Variants in CASC3 observed in about 807,000 individuals in gnomAD.
The protein encoded by CASC3 is CASC3 exon junction complex subunit.
CASC3 carries 30 observed loss-of-function variants against 80.5 expected under a neutral mutation model. The ratio of observed to expected loss-of-function variants is 0.37; its 90% CI spans 0.28 to 0.51. The LOEUF (loss-of-function observed/expected upper bound fraction) is 0.51. Among genes scored for constraint, CASC3 ranks in the 20% least tolerant of loss-of-function variants. CASC3 has a pLI of 0.94. For missense variants in CASC3, 824 were observed against 922.2 expected (o/e 0.89, Z 1.38); for synonymous variants, 312 against 333.6 (o/e 0.94, Z 0.70).
intron 3 of CASC3, among the ~76,000 whole-genome samples, chr17:40,154,867 T>C (rs1329086794): frequency 2.0e-5 from 3 of 152,120 alleles, no homozygotes; most frequent in African/African-American, 7.2e-5. Context: ...TTTTTATATG[T>C]GGGGTAAAGT....
At chr17:40,156,692 A>T (rs1273068129) in intron 3 of CASC3, among the ~76,000 whole-genome samples, 2 of 149,260 alleles carry the variant, frequency 1.3e-5, no homozygotes, top group Non-Finnish European at 3.0e-5. Flanking sequence ...CCGTTTCAAT[A>T]AAAAAAAATT....
At chr17:40,160,092 G>C (rs1380263379) in intron 3 of CASC3, among the ~76,000 whole-genome samples, 1 of 152,104 alleles carries the variant, frequency 6.6e-6, no homozygotes, top group Non-Finnish European at 1.5e-5. Flanking sequence ...ATCCTAAAAA[G>C]GGGTCCGCAT....
intron 3 of CASC3, among the ~76,000 whole-genome samples, chr17:40,147,967 A>G (rs750620013): frequency 6.6e-5 from 10 of 152,268 alleles, no homozygotes; most frequent in South Asian, 2.1e-4. Context: ...CAATTTTGAT[A>G]TGATATGCGG....
Position 40,168,223 on chromosome 17 carries a change from C to G in CASC3, c.1771C>G (p.Pro591Ala). ...PHPGLHPHQT[P>A]APLPNPGLYP... is the part of the protein sequence containing the mutation. The stretch of plus-strand genomic sequence containing the variant: ...TCCAGGTTTACATCCCCACCAGACA[C>G]CAGCTCCTCTGCCCAATCCAGGCCT... Residue 591 changes from proline to alanine, a missense_variant, in exon 11 of 14, where the codon CCA (proline) becomes GCA (alanine). Pro to Ala is a conservative substitution (Grantham distance 27). Around this residue, in one of 3 missense-constraint regions of CASC3, gnomAD observed 464 missense variants for 506.0 expected, o/e 0.92. Transcript: ENST00000264645. 6.2e-7 allele frequency: 1 copy of G among 1,614,150 alleles called. No individual in the cohort carries two copies. Among genetic ancestry groups the G allele is most frequent in the Non-Finnish European group, 8.5e-7 (1 of 1,180,008 alleles).
At chr17:40,146,972 C>A (rs550155460) in intron 3 of CASC3, among the ~76,000 whole-genome samples, 1 of 152,088 alleles carries the variant, frequency 6.6e-6, no homozygotes, top group Non-Finnish European at 1.5e-5. Context: ...CATCAGGGAC[C>A]GTCTGTAGTC....
rs1014939132 is a variant in CASC3, at chr17:40,171,378, C to A, written c.*973C>A. ...TAGAGGGCCTTGCTTCTCTTCTTTC[C>A]ATTCTTCTTGCTACACCCCTTTTCC... On this transcript the variant is annotated 3_prime_UTR_variant, in exon 14 of 14. Transcript: ENST00000264645. 1 of 985,966 alleles carries A rather than the reference C, an allele frequency of 1.0e-6. No individual in the cohort carries two copies. Among genetic ancestry groups the A allele is most frequent in the African/African-American group, 1.7e-5 (1 of 57,204 alleles). 61.1% of individuals were successfully genotyped at this position (985,966 alleles called of 1,614,324 possible).
At position 40,144,536 on chromosome 17, in the gene CASC3, G is replaced by T. The variant is rs1378053528; in HGVS notation, c.297+2929G>T. Among the ~76,000 whole-genome samples, 6 of 151,136 alleles carry T rather than the reference G, an allele frequency of 4.0e-5. No individual in the cohort carries two copies. The East Asian group carries it at 9.7e-4, about 24-fold the overall frequency. On this transcript the variant is annotated intron_variant, in intron 3 of 13. Transcript: ENST00000264645. ...ATTTTTGTATTTGTAGTAGAGACGG[G>T]GTTTTACCATGTTGGCCAGGCTGGT... is the stretch of plus-strand genomic sequence containing the variant.
intron 3 of CASC3, among the ~76,000 whole-genome samples, chr17:40,148,323 C>A (rs1988910264): frequency 6.6e-6 from 1 of 151,798 alleles, no homozygotes; most frequent in African/African-American, 2.4e-5. Flanking sequence ...AGGGCCCTGT[C>A]CCCAGAAGGA....
At chr17:40,165,236 T>C (rs1989419919) in intron 7 of CASC3, among the ~76,000 whole-genome samples, 1 of 151,706 alleles carries the variant, frequency 6.6e-6, no homozygotes, top group African/African-American at 2.4e-5. Context: ...ACCTAATTTT[T>C]GTATTTTTCA....
At position 40,141,676 on chromosome 17, in the gene CASC3, G is replaced by A. The variant is rs567328554; in HGVS notation, c.297+69G>A. ...TTTTTAAAAACGTGTACACACCTTC[G>A]TTGCAAACGTACCATGACCTCCGTG... is the stretch of plus-strand genomic sequence containing the variant. On this transcript the variant is annotated intron_variant, in intron 3 of 13. Transcript: ENST00000264645. 7 of 1,122,986 alleles carry A rather than the reference G, an allele frequency of 6.2e-6. No homozygotes were observed. The South Asian group carries it at 6.4e-5, about 10-fold the overall frequency. The allele number at this position is 1,122,986 out of a possible 1,614,324, so 69.6% of individuals were successfully genotyped here.
rs369737543 is a variant in CASC3, at chr17:40,162,749, A to G, written c.633A>G (p.Leu211=). 7.4e-6 allele frequency: 12 copies of G among 1,613,844 alleles called. No individual in the cohort carries two copies. In the African/African-American group the frequency reaches 1.1e-4, roughly 14 times the overall value. ...EVRPKGRQRK[L]WKDEGRWEHD... Reference sequence around the variant, plus strand: ...GACCCAAGGGGCGTCAGCGAAAGCTATGGAAGGATGAGGGTCGCTGGGAGC... The same window carrying G: ...GACCCAAGGGGCGTCAGCGAAAGCTGTGGAAGGATGAGGGTCGCTGGGAGC... Residue 211 remains leucine (L), a synonymous_variant, in exon 6 of 14, where the codon CTA becomes CTG. Transcript: ENST00000264645.
chr17:40,159,711 ATT>A (rs71152647), intron 3 of CASC3, among the ~76,000 whole-genome samples: 9 of 93,162 alleles, frequency 9.7e-5, no homozygotes, highest in African/African-American at 3.7e-4. Flanking sequence ...TTCCTGGCGA[ATT>A]TTTTTTTTTT....
At chr17:40,165,749 T>C (rs539658306) in intron 7 of CASC3, among the ~76,000 whole-genome samples, 80 of 151,228 alleles carry the variant, frequency 5.3e-4, no homozygotes, top group Middle Eastern at 3.4e-3. Flanking sequence ...TACATAGATA[T>C]AGTTTTTTTT....
At chr17:40,147,977 G>C (rs1162987402) in intron 3 of CASC3, among the ~76,000 whole-genome samples, 1 of 152,062 alleles carries the variant, frequency 6.6e-6, no homozygotes, top group Admixed American at 6.6e-5. Context: ...ATGATATGCG[G>C]ATGTCTTTCT....
At chr17:40,167,271 G>C in intron 8 of CASC3, 1 of 571,290 alleles carries the variant, frequency 1.8e-6, no homozygotes, top group Non-Finnish European at 3.1e-6. Context: ...GATAAAGTCA[G>C]TTTTTCCATT....
chr17:40,168,645 C>T (rs1008175344), intron 11 of CASC3: 3 of 496,826 alleles, frequency 6.0e-6, no homozygotes, highest in Admixed American at 3.3e-5. Flanking sequence ...GCTTGGAGTG[C>T]AGTGGCGTGA....
intron 6 of CASC3, 32 bp downstream of exon 6, chr17:40,162,933 G>C (rs770995416): frequency 2.5e-6 from 4 of 1,600,686 alleles, no homozygotes; most frequent in Non-Finnish European, 2.6e-6. Context: ...AGACCAGGCT[G>C]GGTATGGTGG....
Position 40,171,708 on chromosome 17 carries a change from T to C in CASC3, c.*1303T>C, listed in dbSNP as rs1003317990. 9.0e-7 allele frequency: 1 copy of C among 1,112,354 alleles called. No individual in the cohort carries two copies. The highest frequency in any genetic ancestry group is 1.6e-5 in the African/African-American group (1 of 61,508). The allele number at this position is 1,112,354 out of a possible 1,614,324, so 68.9% of individuals were successfully genotyped here. A position where few individuals can be genotyped will look rare whatever the true frequency, so the allele number is the denominator to read the frequency against. On this transcript the variant is annotated 3_prime_UTR_variant, in exon 14 of 14. Coordinates refer to ENST00000264645, the MANE Select transcript of CASC3 (RefSeq NM_007359.5). ...TTCCTATTACTGCAGTACATACGTCTGCCAGGGGTAACCTGGCCACTGTCC... is the reference window on the plus strand; with the variant it reads ...TTCCTATTACTGCAGTACATACGTCCGCCAGGGGTAACCTGGCCACTGTCC...
intron 3 of CASC3, among the ~76,000 whole-genome samples, chr17:40,150,916 G>A (rs576579667): frequency 6.6e-6 from 1 of 152,210 alleles, no homozygotes; most frequent in South Asian, 2.1e-4. Flanking sequence ...GGGAGGCTGA[G>A]GCAGGAGAAT....
Sources: gnomAD v4.1 joint callset for allele counts (sites outside exome capture counted in the v4.1 genomes callset) on GRCh38, gnomAD v4.1.1 for gene constraint, gnomAD v4.1.1 regional missense constraint, MANE v1.5 for transcripts, NCBI Gene and HGNC (gene_info 2026-07-23, HGNC 2026-07-21) for gene names.